The following EPHA5 variants were observed in gnomAD, a reference collection of about 807,000 sequenced individuals.
The protein encoded by EPHA5 is EPH receptor A5.
In EPHA5, 60 loss-of-function variants were observed where a neutral mutation model predicts 105.0. The ratio of observed to expected loss-of-function variants is 0.57; its 90% CI spans 0.46 to 0.71. EPHA5 has a LOEUF of 0.71. Among genes scored for constraint, EPHA5 ranks in the 30% least tolerant of loss-of-function variants. The pLI is 0.00. For missense variants in EPHA5, 1,218 were observed against 1,274.7 expected (o/e 0.96, Z 0.68); for synonymous variants, 513 against 449.1 (o/e 1.14, Z -1.80).
chr4:65,339,169 T>G (rs537018302), intron 14 of EPHA5, among the ~76,000 whole-genome samples: 9 of 152,256 alleles, frequency 5.9e-5, no homozygotes, highest in African/African-American at 2.2e-4. Flanking sequence ...CTATATAGTA[T>G]TATTCATTTG....
At chr4:65,529,393 C>T (rs1209305237) in intron 3 of EPHA5, among the ~76,000 whole-genome samples, 1 of 151,004 alleles carries the variant, frequency 6.6e-6, no homozygotes, top group Non-Finnish European at 1.5e-5. Context: ...TATATGTATA[C>T]CTATGTTTAT....
chr4:65,572,033 A>T (rs1243751125), intron 3 of EPHA5, among the ~76,000 whole-genome samples: 1 of 152,096 alleles, frequency 6.6e-6, no homozygotes, highest in Non-Finnish European at 1.5e-5. Context: ...AATTAACAAA[A>T]ATACTGTAAT....
At chr4:65,559,985 C>A (rs1170225801) in intron 3 of EPHA5, among the ~76,000 whole-genome samples, 1 of 152,076 alleles carries the variant, frequency 6.6e-6, no homozygotes, top group African/African-American at 2.4e-5. Flanking sequence ...AGGATATTAC[C>A]TAAATCTGTA....
chr4:65,596,826 C>T (rs1003809519), intron 3 of EPHA5, among the ~76,000 whole-genome samples: 3 of 152,044 alleles, frequency 2.0e-5, no homozygotes, highest in African/African-American at 4.8e-5. Flanking sequence ...CTAAATAGAA[C>T]GATAAGTTCA....
chr4:65,466,986 C>A (rs972312111), intron 5 of EPHA5, among the ~76,000 whole-genome samples: 1 of 152,180 alleles, frequency 6.6e-6, no homozygotes, highest in East Asian at 1.9e-4. Context: ...GAACAGAAAG[C>A]AAGAAATGAG....
chr4:65,553,974 T>G (rs1738163420), intron 3 of EPHA5, among the ~76,000 whole-genome samples: 1 of 151,972 alleles, frequency 6.6e-6, no homozygotes, highest in Non-Finnish European at 1.5e-5. Context: ...ATAAAAAATT[T>G]AAGTCTCCAA....
intron 3 of EPHA5, among the ~76,000 whole-genome samples, chr4:65,546,521 T>C (rs537463799): frequency 6.6e-6 from 1 of 152,026 alleles, no homozygotes; most frequent in Admixed American, 6.6e-5. Flanking sequence ...TGTTTTTTTC[T>C]CAAATAGTTT....
At chr4:65,591,368 T>G (rs2149416175) in intron 3 of EPHA5, among the ~76,000 whole-genome samples, 1 of 152,120 alleles carries the variant, frequency 6.6e-6, no homozygotes, top group Admixed American at 6.5e-5. Context: ...GATGACATGA[T>G]TTAATTATAA....
intron 5 of EPHA5, among the ~76,000 whole-genome samples, chr4:65,428,044 C>T (rs537136481): frequency 2.0e-4 from 31 of 152,162 alleles, no homozygotes; most frequent in African/African-American, 7.0e-4. Flanking sequence ...ATACATACAT[C>T]TCTAAGAGAA....
chr4:65,526,166 C>A (rs1430896855), intron 3 of EPHA5, among the ~76,000 whole-genome samples: 1 of 151,822 alleles, frequency 6.6e-6, no homozygotes, highest in Non-Finnish European at 1.5e-5. Context: ...TGGGACAATT[C>A]TAATAGTAAA....
At chr4:65,406,500 GCTTCATATT>G (rs1420914192) in intron 7 of EPHA5, among the ~76,000 whole-genome samples, 3 of 152,042 alleles carry the variant, frequency 2.0e-5, no homozygotes, top group Admixed American at 2.0e-4. Context: ...AGTTCTGATG[GCTTCATATT>G]CTCTTCCCAC....
intron 13 of EPHA5, among the ~76,000 whole-genome samples, chr4:65,348,446 A>G (rs576431593): frequency 4.6e-5 from 7 of 151,694 alleles, no homozygotes; most frequent in Admixed American, 4.6e-4. Flanking sequence ...CCACATCTCA[A>G]TTACAGTCCT....
At chr4:65,418,903 G>T (rs1168987913) in intron 6 of EPHA5, among the ~76,000 whole-genome samples, 5 of 42,164 alleles carry the variant, frequency 1.2e-4, no homozygotes, top group Non-Finnish European at 1.7e-4. Context: ...TTTGCTTCGA[G>T]ACTGAGTTTT....
intron 5 of EPHA5, among the ~76,000 whole-genome samples, chr4:65,463,066 G>A (rs1462071716): frequency 1.3e-5 from 2 of 152,170 alleles, no homozygotes; most frequent in African/African-American, 2.4e-5. Context: ...AAAAAGGTAA[G>A]TATGTAGTAC....
chr4:65,463,468 C>G (rs902685902), intron 5 of EPHA5, among the ~76,000 whole-genome samples: 3 of 152,126 alleles, frequency 2.0e-5, no homozygotes, highest in African/African-American at 7.2e-5. Flanking sequence ...ACTGTTAATA[C>G]AGGCTCTTCA....
At chr4:65,375,937 T>G (rs1718959230) in intron 8 of EPHA5, among the ~76,000 whole-genome samples, 1 of 152,072 alleles carries the variant, frequency 6.6e-6, no homozygotes, top group South Asian at 2.1e-4. Flanking sequence ...TTTACCTTCA[T>G]ATTAAACTTT....
intron 2 of EPHA5, among the ~76,000 whole-genome samples, chr4:65,641,228 C>T (rs1041442650): frequency 6.6e-6 from 1 of 152,116 alleles, no homozygotes; most frequent in Non-Finnish European, 1.5e-5. Context: ...AAGACTACCT[C>T]AGAGCTAGAG....
At chr4:65,355,358 A>G (rs1266528088) in intron 11 of EPHA5, among the ~76,000 whole-genome samples, 1 of 151,714 alleles carries the variant, frequency 6.6e-6, no homozygotes, top group Non-Finnish European at 1.5e-5. Flanking sequence ...GAAAAAATTG[A>G]TAATGAAATT....
In EPHA5 at chr4:65,321,008, C is replaced by A. The variant is rs1719599121; in HGVS notation, c.*3106G>T. 8.7e-6 allele frequency: 2 copies of A among 230,112 alleles called. No homozygotes were observed. The highest frequency in any genetic ancestry group is 1.8e-4 in the South Asian group (1 of 5,500). 14.3% of individuals were successfully genotyped at this position (230,112 alleles called of 1,614,324 possible). ...TTTACATCTTTACATAGAAATAGTACATTATGAAAAGAGCAACTGGTTATA... is the reference window on the plus strand; with the variant it reads ...TTTACATCTTTACATAGAAATAGTAAATTATGAAAAGAGCAACTGGTTATA... On this transcript the variant is annotated 3_prime_UTR_variant, in exon 17 of 17. Coordinates refer to ENST00000613740, the MANE Select transcript of EPHA5 (RefSeq NM_001281766.3).
Sources: allele counts gnomAD v4.1 joint callset (sites outside exome capture counted in the v4.1 genomes callset), GRCh38; gene constraint gnomAD v4.1.1; transcripts MANE v1.5; gene names NCBI Gene and HGNC (gene_info 2026-07-23, HGNC 2026-07-21).